The following PXDN variants were observed in gnomAD, a reference collection of about 807,000 sequenced individuals.
PXDN encodes the protein peroxidasin.
A neutral mutation model predicts 140.3 loss-of-function variants in PXDN; 77 were observed. That is an observed-to-expected ratio of 0.55 (90% CI 0.46 to 0.66). The LOEUF is 0.66. Among genes scored for constraint, PXDN ranks in the 30% least tolerant of loss-of-function variants. PXDN has a pLI of 0.00. For synonymous variants in PXDN, 911 were observed against 857.4 expected (o/e 1.06, Z -1.09); for missense variants, 1,838 against 2,039.5 (o/e 0.90, Z 1.90).
chr2:1,688,200 C>T (rs1409806926), intron 3 of PXDN, among the ~76,000 whole-genome samples: 1 of 152,184 alleles, frequency 6.6e-6, no homozygotes, highest in Non-Finnish European at 1.5e-5. Context: ...CAGAGGCATA[C>T]TGGAAGAGCC....
intron 1 of PXDN, 54 bp downstream of exon 1, chr2:1,744,202 G>T: frequency 8.4e-7 from 1 of 1,186,110 alleles, no homozygotes; most frequent in Non-Finnish European, 1.1e-6. Flanking sequence ...CTGCGCTCCC[G>T]GATCTCCACG....
chr2:1,724,701 CTGTT>C (rs1202423269), intron 1 of PXDN, among the ~76,000 whole-genome samples: 2 of 152,110 alleles, frequency 1.3e-5, no homozygotes, highest in East Asian at 3.9e-4. Context: ...GCTCTGTATT[CTGTT>C]TGTTTGGCCA....
intron 15 of PXDN, among the ~76,000 whole-genome samples, chr2:1,654,170 G>A (rs189946651): frequency 2.6e-5 from 4 of 152,288 alleles, no homozygotes; most frequent in African/African-American, 7.2e-5. Flanking sequence ...GAATGTTTTG[G>A]TTGTGGATCA....
At chr2:1,731,766 A>G (rs1246259696) in intron 1 of PXDN, among the ~76,000 whole-genome samples, 1 of 152,066 alleles carries the variant, frequency 6.6e-6, no homozygotes, top group Non-Finnish European at 1.5e-5. Context: ...AGCCAAGAAC[A>G]TTTGCACGGG....
chr2:1,719,834 T>TTTTG lies in PXDN; in HGVS notation c.200+24421_200+24422insCAAA, dbSNP rs1491465316. ...CACAGGATGTGTGTACATGCGTGCA[T>TTTTG]TGTGTGTGTGTGTGTGTGTGTGTGT... On this transcript the variant is annotated intron_variant, in intron 1 of 22. Transcript: ENST00000252804. 2.3e-3 allele frequency among the ~76,000 whole-genome samples: 252 copies of TTTTG among 108,336 alleles called. 3 individuals carry two copies. The highest frequency in any genetic ancestry group is 3.5e-3 in the African/African-American group (89 of 25,300). The allele number at this position is 108,336 out of a possible 152,430, so 71.1% of individuals were successfully genotyped here.
chr2:1,652,974 C>A lies in PXDN; in HGVS notation c.2104+654G>T, dbSNP rs975840545. The stretch of plus-strand genomic sequence containing the variant: ...TGTGTGTGTGTGTGTGTGTACAGAA[C>A]CATGAGTAACCAGCTGCTGCTGAAA... On this transcript the variant is annotated intron_variant, in intron 16 of 22. Coordinates refer to ENST00000252804, the MANE Select transcript of PXDN (RefSeq NM_012293.3). 7 of 162,596 alleles carry A rather than the reference C, an allele frequency of 4.3e-5. No homozygotes were observed. In the South Asian group the frequency reaches 6.4e-4, roughly 15 times the overall value. The allele number at this position is 162,596 out of a possible 1,614,324, so 10.1% of individuals were successfully genotyped here.
chr2:1,656,334 T>C (rs1161734746), intron 14 of PXDN, among the ~76,000 whole-genome samples: 1 of 152,248 alleles, frequency 6.6e-6, no homozygotes, highest in African/African-American at 2.4e-5. Context: ...AAAACAGCTC[T>C]AACCATCTCA....
In PXDN at chr2:1,643,416, C is replaced by G. The variant is rs1682773533; in HGVS notation, c.3904G>C (p.Asp1302His). The G allele has an allele frequency of 6.2e-7, 1 of 1,613,836 alleles. No individual in the cohort carries two copies. Among genetic ancestry groups the G allele is most frequent in the South Asian group, 1.1e-5 (1 of 91,086 alleles). ...CGGAGGTCTACCCTGGGGATCTCGTCACAGCTGCCGTAGCCGTGAGGGAAC... is the reference window on the plus strand; with the variant it reads ...CGGAGGTCTACCCTGGGGATCTCGTGACAGCTGCCGTAGCCGTGAGGGAAC... ...AEFPHGYGSC[D>H]EIPRVDLRVW... The change falls in exon 19 of 23, where the codon GAC becomes CAC. Residue 1302 changes from aspartate (D) to histidine (H), a missense_variant. By Grantham distance (81) the Asp-to-His change is moderately conservative. Transcript: ENST00000252804.
At chr2:1,720,013 TA>T (rs1684990094) in intron 1 of PXDN, among the ~76,000 whole-genome samples, 1 of 3,544 alleles carries the variant, frequency 2.8e-4, no homozygotes, top group East Asian at 0.038. Flanking sequence ...GGGAGGGATG[TA>T]GAGAGAGAGA....
Position 1,666,579 on chromosome 2 carries a change from T to C in PXDN, c.1019-93A>G, listed in dbSNP as rs994899066. On this transcript the variant is annotated intron_variant, in intron 9 of 22. Transcript: ENST00000252804. ...CCTATGTCAGGCTATTAATTCTATT[T>C]ACCACCGAAATAGGCAAAACAAACA... is the stretch of plus-strand genomic sequence containing the variant. 2.7e-5 allele frequency: 38 copies of C among 1,406,622 alleles called. No individual in the cohort carries two copies. The African/African-American group carries it at 5.1e-4, about 19-fold the overall frequency. The allele number at this position is 1,406,622 out of a possible 1,614,324, so 87.1% of individuals were successfully genotyped here. A position where few individuals can be genotyped will look rare whatever the true frequency, so the allele number is the denominator to read the frequency against.
chr2:1,706,517 C>T (rs1019502811), intron 1 of PXDN, among the ~76,000 whole-genome samples: 321 of 148,338 alleles, frequency 2.2e-3, no homozygotes, highest in African/African-American at 7.6e-3. Context: ...TCTGAGAGCA[C>T]GCTTCAGTGT....
chr2:1,730,040 TAAA>T (rs1685277170), intron 1 of PXDN, among the ~76,000 whole-genome samples: 1 of 151,424 alleles, frequency 6.6e-6, no homozygotes, highest in Admixed American at 6.6e-5. Flanking sequence ...ACATGACAGA[TAAA>T]TATTAACAGG....
At chr2:1,705,625 G>A (rs893690379) in intron 1 of PXDN, among the ~76,000 whole-genome samples, 3 of 145,400 alleles carry the variant, frequency 2.1e-5, no homozygotes, top group South Asian at 2.2e-4. Flanking sequence ...GACCTGGGAC[G>A]CAGGGTGCAG....
chr2:1,640,635 G>A (rs1417560359), intron 19 of PXDN, among the ~76,000 whole-genome samples: 1 of 152,160 alleles, frequency 6.6e-6, no homozygotes, highest in Non-Finnish European at 1.5e-5. Flanking sequence ...CCCACAAATC[G>A]TCTCAGGAGC....
At chr2:1,718,179 C>A (rs59083721) in intron 1 of PXDN, among the ~76,000 whole-genome samples, 4 of 150,818 alleles carry the variant, frequency 2.7e-5, no homozygotes, top group Non-Finnish European at 3.0e-5. Flanking sequence ...TAACCTACTA[C>A]GCAAACCTAC....
chr2:1,701,931 A>G (rs1176338340), intron 1 of PXDN, among the ~76,000 whole-genome samples: 2 of 152,214 alleles, frequency 1.3e-5, no homozygotes, highest in South Asian at 4.2e-4. Flanking sequence ...CAGACACCCA[A>G]TTGGCTGGTG....
In PXDN at chr2:1,693,066, G is replaced by A; in HGVS notation, c.269C>T (p.Thr90Ile). ...CCAATAGAATATTTCCACTCACAAT[G>A]TGTTCAAGTTCCTCAGCCGCCTGAA... ...GAFRRLRNLN[T>I]LLLNNNQIKR... The change falls in exon 2 of 23, where the codon ACA becomes ATA. Residue 90 changes from threonine (T) to isoleucine (I), a missense_variant. Coordinates refer to ENST00000252804, the MANE Select transcript of PXDN (RefSeq NM_012293.3). 1 of 1,544,184 alleles carries A rather than the reference G, an allele frequency of 6.5e-7. No homozygotes were observed. Among genetic ancestry groups the A allele is most frequent in the Non-Finnish European group, 8.8e-7 (1 of 1,137,658 alleles).
rs186204990 is a variant in PXDN at position 1,700,634 on chromosome 2, G to T, written c.201-7500C>A. Among the ~76,000 whole-genome samples, 333 of 152,250 alleles carry T rather than the reference G, an allele frequency of 2.2e-3. 1 individual carries two copies. The highest frequency in any genetic ancestry group is 3.4e-3 in the Middle Eastern group (1 of 294). The stretch of plus-strand genomic sequence containing the variant: ...ACACAACCAAGGCCAGGCACAGTGG[G>T]AGGCGGAGGTGGGTGGATCACTTGA... On this transcript the variant is annotated intron_variant, in intron 1 of 22. Transcript: ENST00000252804.
At chr2:1,671,088 A>T (rs1437590733) in intron 9 of PXDN, among the ~76,000 whole-genome samples, 2 of 145,300 alleles carry the variant, frequency 1.4e-5, no homozygotes, top group Non-Finnish European at 3.0e-5. Context: ...TTATAGGTTT[A>T]AAAAAAAAAC....
Sources: allele counts gnomAD v4.1 joint callset (sites outside exome capture counted in the v4.1 genomes callset), GRCh38; gene constraint gnomAD v4.1.1; transcripts MANE v1.5; gene names NCBI Gene and HGNC (gene_info 2026-07-23, HGNC 2026-07-21).